Variants in EXOC6B observed in about 807,000 individuals in gnomAD.
EXOC6B encodes the protein exocyst complex component 6B.
Under a neutral mutation model 113.5 loss-of-function variants are expected in EXOC6B, and 54 were observed. The observed-to-expected ratio is 0.48, with a 90% confidence interval of 0.38 to 0.60. The LOEUF is 0.60. EXOC6B is among the 20% of genes least tolerant of loss of function. The probability of loss-of-function intolerance (pLI) is 0.00; values close to 1 mark genes in which losing one functional copy is unlikely to be tolerated. For missense variants in EXOC6B, 797 were observed against 977.5 expected (o/e 0.82, Z 2.46); for synonymous variants, 357 against 339.0 (o/e 1.05, Z -0.58).
chr2:72,499,870 A>G, intron 12 of EXOC6B, 31 bp downstream of exon 12: 1 of 1,444,456 alleles, frequency 6.9e-7, no homozygotes, highest in Non-Finnish European at 9.5e-7. Flanking sequence ...ATACCAATCT[A>G]GATGAGCATA....
At chr2:72,716,613 C>G (rs1215508998) in intron 6 of EXOC6B, among the ~76,000 whole-genome samples, 1 of 152,100 alleles carries the variant, frequency 6.6e-6, no homozygotes, top group Non-Finnish European at 1.5e-5. Flanking sequence ...ATAGTTTACA[C>G]AGATTGAGTA....
chr2:72,301,175 T>C (rs1374320926), intron 20 of EXOC6B, among the ~76,000 whole-genome samples: 1 of 152,232 alleles, frequency 6.6e-6, no homozygotes, highest in Non-Finnish European at 1.5e-5. Flanking sequence ...GAACCAACCT[T>C]CTATCTCAGG....
At chr2:72,268,727 G>C (rs1684292683) in intron 20 of EXOC6B, among the ~76,000 whole-genome samples, 2 of 152,036 alleles carry the variant, frequency 1.3e-5, no homozygotes, top group African/African-American at 4.8e-5. Flanking sequence ...TTCTCACTCA[G>C]AGTTCATGTG....
intron 19 of EXOC6B, among the ~76,000 whole-genome samples, chr2:72,337,880 C>A (rs1302862015): frequency 6.6e-6 from 1 of 152,118 alleles, no homozygotes; most frequent in African/African-American, 2.4e-5. Flanking sequence ...AACATCCACT[C>A]AAAATAGTAG....
chr2:72,674,367 T>C (rs1169456426), intron 6 of EXOC6B, among the ~76,000 whole-genome samples: 1 of 152,226 alleles, frequency 6.6e-6, no homozygotes, highest in Admixed American at 6.5e-5. Context: ...CATCTTCTTA[T>C]AGAAAGTATT....
chr2:72,533,496 A>G (rs1421354979), intron 8 of EXOC6B, among the ~76,000 whole-genome samples: 1 of 152,228 alleles, frequency 6.6e-6, no homozygotes, highest in East Asian at 1.9e-4. Context: ...AGTTTCTCAT[A>G]AGGCAACACT....
chr2:72,366,099 C>A (rs1170951626), intron 19 of EXOC6B, among the ~76,000 whole-genome samples: 1 of 151,950 alleles, frequency 6.6e-6, no homozygotes, highest in African/African-American at 2.4e-5. Context: ...ACAATATGAC[C>A]TATAATCAGG....
rs771058234 is a variant in EXOC6B, at chr2:72,224,846, GTA to G, written c.2197-40661_2197-40660del. The stretch of plus-strand genomic sequence containing the variant: ...CGTGTGTGTATGTGTGTATGTGTGT[GTA>G]TATATATATATGTATACGTAAGTGT... On this transcript the variant is annotated intron_variant, in intron 20 of 21. Transcript: ENST00000272427. 2.0e-3 allele frequency among the ~76,000 whole-genome samples: 295 copies of G among 148,502 alleles called. 1 individual carries two copies. The highest frequency in any genetic ancestry group is 3.5e-3 in the Middle Eastern group (1 of 282).
At chr2:72,441,931 C>G (rs542860098) in intron 18 of EXOC6B, among the ~76,000 whole-genome samples, 2 of 152,194 alleles carry the variant, frequency 1.3e-5, no homozygotes, top group Non-Finnish European at 2.9e-5. Flanking sequence ...ATAGCAAAAC[C>G]TGGCAGAGAT....
At chr2:72,660,088 CT>C (rs553912624) in intron 6 of EXOC6B, among the ~76,000 whole-genome samples, 129 of 144,696 alleles carry the variant, frequency 8.9e-4, no homozygotes, top group Admixed American at 1.3e-3. Flanking sequence ...CATCAATCCT[CT>C]TTTTTTTTTT....
chr2:72,602,606 A>G (rs1192148386), intron 6 of EXOC6B, among the ~76,000 whole-genome samples: 1 of 152,218 alleles, frequency 6.6e-6, no homozygotes, highest in Non-Finnish European at 1.5e-5. Flanking sequence ...ATAAATTTTA[A>G]TTCCTACTAA....
chr2:72,443,394 A>G (rs1462637221), intron 18 of EXOC6B, among the ~76,000 whole-genome samples: 2 of 151,952 alleles, frequency 1.3e-5, no homozygotes, highest in African/African-American at 4.8e-5. Flanking sequence ...CAGAAATAAG[A>G]CCATACATGT....
At chr2:72,585,874 A>G (rs1472666497) in intron 6 of EXOC6B, among the ~76,000 whole-genome samples, 1 of 152,194 alleles carries the variant, frequency 6.6e-6, no homozygotes, top group African/African-American at 2.4e-5. Context: ...AGATGTGCAA[A>G]GAACAACCAC....
intron 18 of EXOC6B, among the ~76,000 whole-genome samples, chr2:72,459,067 G>A (rs1356445193): frequency 6.6e-6 from 1 of 151,640 alleles, no homozygotes; most frequent in Non-Finnish European, 1.5e-5. Context: ...AAGAAATAAG[G>A]ATAAACCCAG....
chr2:72,806,870 AT>A (rs1685610228), intron 1 of EXOC6B, among the ~76,000 whole-genome samples: 1 of 151,960 alleles, frequency 6.6e-6, no homozygotes, highest in Non-Finnish European at 1.5e-5. Flanking sequence ...CTACTTTTGA[AT>A]GGGGTTTTGC....
intron 1 of EXOC6B, among the ~76,000 whole-genome samples, chr2:72,789,933 C>T (rs1684582732): frequency 6.6e-6 from 1 of 152,154 alleles, no homozygotes; most frequent in Admixed American, 6.5e-5. Flanking sequence ...TCACTGTCTA[C>T]ACCATCTAAT....
chr2:72,484,542 G>C (rs1383745932), intron 16 of EXOC6B, among the ~76,000 whole-genome samples: 1 of 148,732 alleles, frequency 6.7e-6, no homozygotes, highest in African/African-American at 2.5e-5. Context: ...ACTCCAGCCT[G>C]GGCGACAGAG....
At chr2:72,745,192 C>A (rs1488772841) in intron 1 of EXOC6B, among the ~76,000 whole-genome samples, 1 of 152,096 alleles carries the variant, frequency 6.6e-6, no homozygotes, top group Non-Finnish European at 1.5e-5. Context: ...GTGGCCCACA[C>A]CTGTAATTCC....
intron 18 of EXOC6B, among the ~76,000 whole-genome samples, chr2:72,398,368 T>C (rs1387835319): frequency 6.6e-6 from 1 of 152,080 alleles, no homozygotes; most frequent in Non-Finnish European, 1.5e-5. Flanking sequence ...AACCTACACA[T>C]TGACTCACCT....
Sources: gnomAD v4.1 joint callset for allele counts (sites outside exome capture counted in the v4.1 genomes callset) on GRCh38, gnomAD v4.1.1 for gene constraint, MANE v1.5 for transcripts, NCBI Gene and HGNC (gene_info 2026-07-23, HGNC 2026-07-21) for gene names.